The following ERC1 variants were observed in gnomAD, a reference collection of about 807,000 sequenced individuals.
ERC1 encodes RAB6 interacting protein 2.
A neutral mutation model predicts 132.0 loss-of-function variants in ERC1; 56 were observed. That is an observed-to-expected ratio of 0.42 (90% CI 0.34 to 0.53). The LOEUF (loss-of-function observed/expected upper bound fraction) is 0.53. Among genes scored for constraint, ERC1 ranks in the 20% least tolerant of loss-of-function variants. ERC1 has a pLI of 0.03. For synonymous variants in ERC1, 478 were observed against 476.1 expected (o/e 1.00, Z -0.05); for missense variants, 1,202 against 1,349.9 (o/e 0.89, Z 1.72).
chr12:996,330 C>G lies in ERC1; in HGVS notation c.-157+5008C>G, dbSNP rs1310155040. Among the ~76,000 whole-genome samples the G allele has an allele frequency of 2.1e-5, 3 of 144,126 alleles. No homozygotes were observed. In the East Asian group the frequency reaches 6.2e-4, roughly 30 times the overall value. 94.6% of individuals were successfully genotyped at this position (144,126 alleles called of 152,430 possible). On this transcript the variant is annotated intron_variant, in intron 1 of 18. Transcript: ENST00000360905. ...TGTTAGCCAGGATGGTCTTGATCTCCTGACCTCATGATCCGCGCGCCTTGG... is the reference window on the plus strand; with the variant it reads ...TGTTAGCCAGGATGGTCTTGATCTCGTGACCTCATGATCCGCGCGCCTTGG...
In ERC1 at chr12:1,232,481, G is replaced by A. The variant is rs557672100; in HGVS notation, c.2352-4288G>A. Among the ~76,000 whole-genome samples the A allele has an allele frequency of 9.2e-5, 14 of 152,198 alleles. No homozygotes were observed. The South Asian group carries it at 1.9e-3, about 20-fold the overall frequency. On this transcript the variant is annotated intron_variant, in intron 12 of 18. Transcript: ENST00000360905. ...TGCATCGGAGCTTCTGTATGCTTTTGTCGTTTTTAATTCACTTTTCTCTTT... is the reference window on the plus strand; with the variant it reads ...TGCATCGGAGCTTCTGTATGCTTTTATCGTTTTTAATTCACTTTTCTCTTT...
intron 16 of ERC1, chr12:1,386,063 A>C: frequency 8.7e-6 from 1 of 114,920 alleles, no homozygotes; most frequent in Non-Finnish European, 1.7e-5. Flanking sequence ...TTTTTGAGAC[A>C]GAGTCTTGCT....
chr12:1,368,592 T>C (rs1009438473), intron 15 of ERC1, among the ~76,000 whole-genome samples: 7 of 152,162 alleles, frequency 4.6e-5, no homozygotes, highest in African/African-American at 1.7e-4. Flanking sequence ...TTCTAAGAGA[T>C]GGATTAGAGG....
intron 15 of ERC1, among the ~76,000 whole-genome samples, chr12:1,366,850 A>T (rs1225934883): frequency 6.6e-6 from 1 of 152,182 alleles, no homozygotes; most frequent in Non-Finnish European, 1.5e-5. Flanking sequence ...ACTAACATGT[A>T]AAATGTTAGT....
intron 13 of ERC1, among the ~76,000 whole-genome samples, chr12:1,242,694 G>A (rs1428048410): frequency 6.6e-6 from 1 of 152,056 alleles, no homozygotes; most frequent in Admixed American, 6.6e-5. Context: ...TAACAGGATT[G>A]GACTAGGTAG....
At chr12:1,186,198 T>C (rs2154275087) in intron 11 of ERC1, among the ~76,000 whole-genome samples, 1 of 152,366 alleles carries the variant, frequency 6.6e-6, no homozygotes, top group South Asian at 2.1e-4. Flanking sequence ...GAAACCATTT[T>C]AAGGGACTAA....
intron 7 of ERC1, among the ~76,000 whole-genome samples, chr12:1,131,292 A>G (rs1948736187): frequency 6.6e-6 from 1 of 152,186 alleles, no homozygotes; most frequent in Non-Finnish European, 1.5e-5. Flanking sequence ...GAGAACACTG[A>G]AAAGGTGTGA....
intron 16 of ERC1, among the ~76,000 whole-genome samples, chr12:1,392,935 A>G (rs1177180824): frequency 6.6e-6 from 1 of 152,232 alleles, no homozygotes; most frequent in African/African-American, 2.4e-5. Flanking sequence ...CAATGTAACC[A>G]CGTATGTTTG....
At chr12:1,333,330 A>AT (rs36055111) in intron 15 of ERC1, among the ~76,000 whole-genome samples, 6,563 of 110,716 alleles carry the variant, frequency 0.059, 360 homozygotes, top group African/African-American at 0.088. Flanking sequence ...TATGTACCGC[A>AT]TTTTTTTTTT....
chr12:1,394,336 C>T (rs1479431618), intron 16 of ERC1, among the ~76,000 whole-genome samples: 1 of 147,714 alleles, frequency 6.8e-6, no homozygotes, highest in Non-Finnish European at 1.5e-5. Context: ...GGAGGCGGAG[C>T]TTGCAGTGAG....
At chr12:1,469,574 C>A (rs1036754558) in intron 18 of ERC1, among the ~76,000 whole-genome samples, 1 of 152,206 alleles carries the variant, frequency 6.6e-6, no homozygotes, top group African/African-American at 2.4e-5. Context: ...CCATGTGGGT[C>A]CTGGAGCTCC....
Position 1,038,247 on chromosome 12 carries a change from G to A in ERC1, c.669+9675G>A, listed in dbSNP as rs144050082. ...GTGGTACTTTGTGGAGAAACATTTA[G>A]GGAGTTTACCCCATCCTCCCAGGTC... On this transcript the variant is annotated intron_variant, in intron 2 of 18. Transcript: ENST00000360905. 8.1e-3 allele frequency among the ~76,000 whole-genome samples: 1,230 copies of A among 152,078 alleles called. 9 individuals carry two copies. Among genetic ancestry groups the A allele is most frequent in the Non-Finnish European group, 0.012 (785 of 67,958 alleles).
intron 2 of ERC1, among the ~76,000 whole-genome samples, chr12:1,057,467 G>GA (rs1973181514): frequency 6.6e-6 from 1 of 150,900 alleles, no homozygotes. Context: ...AAATATAAAT[G>GA]AAAATAAAAA....
chr12:1,120,444 A>G (rs896319756), intron 7 of ERC1, among the ~76,000 whole-genome samples: 2 of 152,200 alleles, frequency 1.3e-5, no homozygotes, highest in Non-Finnish European at 2.9e-5. Flanking sequence ...TTGCTTTTAT[A>G]ATTGAGAATT....
chr12:1,270,107 A>G (rs766470209), intron 14 of ERC1, among the ~76,000 whole-genome samples: 1 of 152,200 alleles, frequency 6.6e-6, no homozygotes, highest in African/African-American at 2.4e-5. Context: ...TTATATTGCT[A>G]CAACAAAACT....
At chr12:1,429,998 C>A (rs919655087) in intron 17 of ERC1, among the ~76,000 whole-genome samples, 3 of 152,180 alleles carry the variant, frequency 2.0e-5, no homozygotes, top group East Asian at 1.9e-4. Context: ...CTTAGCTGGG[C>A]AGTTCTTACT....
At chr12:1,268,283 T>C (rs1342363419) in intron 14 of ERC1, among the ~76,000 whole-genome samples, 1 of 152,258 alleles carries the variant, frequency 6.6e-6, no homozygotes, top group Admixed American at 6.5e-5. Flanking sequence ...CCTCATTGTT[T>C]ATTAAATGGC....
At chr12:1,193,451 C>G (rs967721037) in intron 12 of ERC1, among the ~76,000 whole-genome samples, 13 of 151,890 alleles carry the variant, frequency 8.6e-5, no homozygotes, top group African/African-American at 3.1e-4. Context: ...CACACACACA[C>G]ACACATAGAG....
intron 15 of ERC1, among the ~76,000 whole-genome samples, chr12:1,353,788 G>A (rs1465718837): frequency 1.3e-5 from 2 of 152,166 alleles, no homozygotes; most frequent in Non-Finnish European, 2.9e-5. Flanking sequence ...TTACTGCTCA[G>A]CCCATTGCAA....
Sources: gnomAD v4.1 joint callset for allele counts (sites outside exome capture counted in the v4.1 genomes callset) on GRCh38, gnomAD v4.1.1 for gene constraint, MANE v1.5 for transcripts, NCBI Gene and HGNC (gene_info 2026-07-23, HGNC 2026-07-21) for gene names.